Variants in FAT3 observed in about 807,000 individuals in gnomAD.
FAT3 encodes the protein protocadherin Fat 3.
A neutral mutation model predicts 310.2 loss-of-function variants in FAT3; 95 were observed. The observed-to-expected ratio is 0.31, with a 90% CI of 0.26 to 0.36. The LOEUF is 0.36. FAT3 is among the 10% of genes least tolerant of loss of function. The pLI is 1.00. For missense variants in FAT3, 5,408 were observed against 5,715.6 expected (o/e 0.95, Z 1.74); for synonymous variants, 2,314 against 2,192.9 (o/e 1.06, Z -1.54).
chr11:92,281,126 A>G (rs1324581811), intron 1 of FAT3, among the ~76,000 whole-genome samples: 2 of 152,148 alleles, frequency 1.3e-5, no homozygotes, highest in African/African-American at 4.8e-5. Context: ...TGTATTGTCA[A>G]AAATTTTTTG....
At chr11:92,385,485 A>G (rs1049297749) in intron 2 of FAT3, among the ~76,000 whole-genome samples, 10 of 152,108 alleles carry the variant, frequency 6.6e-5, no homozygotes, top group African/African-American at 2.4e-4. Context: ...CTCGTGCCTC[A>G]GCCTCCCAAG....
At chr11:92,379,707 T>C (rs1417223412) in intron 2 of FAT3, among the ~76,000 whole-genome samples, 1 of 152,188 alleles carries the variant, frequency 6.6e-6, no homozygotes, top group Non-Finnish European at 1.5e-5. Flanking sequence ...AGAGATGTGA[T>C]CAAAAACATC....
At chr11:92,247,860 T>G (rs1864985206) in intron 1 of FAT3, among the ~76,000 whole-genome samples, 1 of 151,890 alleles carries the variant, frequency 6.6e-6, no homozygotes, top group African/African-American at 2.4e-5. Context: ...TTGCAGCTAC[T>G]CAGTAGGCTG....
chr11:92,553,170 C>G (rs1954881010), intron 3 of FAT3, among the ~76,000 whole-genome samples: 1 of 152,074 alleles, frequency 6.6e-6, no homozygotes, highest in South Asian at 2.1e-4. Flanking sequence ...TACAATAATG[C>G]TGCGAAAAAT....
intron 3 of FAT3, among the ~76,000 whole-genome samples, chr11:92,549,642 A>G (rs1475090393): frequency 1.3e-5 from 2 of 152,188 alleles, no homozygotes; most frequent in Non-Finnish European, 2.9e-5. Context: ...AGCATTCATT[A>G]TTTAATGCTC....
At chr11:92,516,243 A>G (rs1953478733) in intron 2 of FAT3, among the ~76,000 whole-genome samples, 1 of 152,160 alleles carries the variant, frequency 6.6e-6, no homozygotes, top group Non-Finnish European at 1.5e-5. Context: ...TCCTCAATAA[A>G]ATACTGGCAA....
chr11:92,631,761 T>C (rs1397525372), intron 3 of FAT3, among the ~76,000 whole-genome samples: 4 of 152,132 alleles, frequency 2.6e-5, no homozygotes, highest in African/African-American at 9.6e-5. Flanking sequence ...AATTAAAACC[T>C]ATAATTCTTT....
chr11:92,428,719 C>T (rs891968229), intron 2 of FAT3, among the ~76,000 whole-genome samples: 1 of 152,154 alleles, frequency 6.6e-6, no homozygotes, highest in African/African-American at 2.4e-5. Context: ...ATCCTGAGTT[C>T]TAATTTGATT....
chr11:92,781,557 T>C (rs1946753952), intron 7 of FAT3, among the ~76,000 whole-genome samples: 1 of 152,120 alleles, frequency 6.6e-6, no homozygotes, highest in East Asian at 1.9e-4. Flanking sequence ...TTCCTACACA[T>C]TTATATATAT....
intron 2 of FAT3, among the ~76,000 whole-genome samples, chr11:92,516,393 G>A (rs1360005648): frequency 2.6e-5 from 4 of 151,946 alleles, no homozygotes; most frequent in African/African-American, 4.8e-5. Flanking sequence ...AAAACCACAT[G>A]GTTATCTCAA....
intron 2 of FAT3, among the ~76,000 whole-genome samples, chr11:92,493,261 G>A (rs1286200180): frequency 6.6e-6 from 1 of 152,008 alleles, no homozygotes; most frequent in Non-Finnish European, 1.5e-5. Flanking sequence ...TGGTTTGTTT[G>A]CATTAGACCC....
chr11:92,698,529 C>CAAA, intron 4 of FAT3, among the ~76,000 whole-genome samples: 1 of 152,184 alleles, frequency 6.6e-6, no homozygotes, highest in Admixed American at 6.5e-5. Context: ...CTCTTAGGAT[C>CAAA]AAACCTTCTG....
Position 92,473,889 on chromosome 11 carries a change from T to G in FAT3, c.3293-50745T>G, listed in dbSNP as rs568024046. ...TTCATGGGCCTTATGTGTGGAAAGA[T>G]GACTAAAGTGACCTCCTCCGGCATT... On this transcript the variant is annotated intron_variant, in intron 2 of 27. Coordinates refer to ENST00000525166, the MANE Select transcript of FAT3 (RefSeq NM_001367949.2). Among the ~76,000 whole-genome samples the G allele has an allele frequency of 1.6e-3, 251 of 152,334 alleles. 1 individual carries two copies. Among genetic ancestry groups the G allele is most frequent in the Non-Finnish European group, 3.2e-3 (215 of 68,028 alleles).
intron 22 of FAT3, among the ~76,000 whole-genome samples, chr11:92,873,030 A>G (rs1001711837): frequency 1.6e-4 from 24 of 152,140 alleles, no homozygotes; most frequent in Admixed American, 1.5e-3. Context: ...CATGATTTCC[A>G]GTTGTTTGGT....
At chr11:92,752,121 G>A (rs1212066551) in intron 4 of FAT3, among the ~76,000 whole-genome samples, 1 of 152,222 alleles carries the variant, frequency 6.6e-6, no homozygotes, top group Admixed American at 6.5e-5. Flanking sequence ...GGGCCATACA[G>A]TCTCAGCCTC....
At chr11:92,501,542 G>A (rs926191059) in intron 2 of FAT3, among the ~76,000 whole-genome samples, 4 of 152,034 alleles carry the variant, frequency 2.6e-5, no homozygotes, top group Non-Finnish European at 5.9e-5. Context: ...AAGCCGTCTA[G>A]TAACTACTTT....
intron 4 of FAT3, among the ~76,000 whole-genome samples, chr11:92,717,984 T>C (rs1458342809): frequency 6.6e-6 from 1 of 152,206 alleles, no homozygotes; most frequent in African/African-American, 2.4e-5. Context: ...TGCAACTCTT[T>C]CTTTCAAGAG....
At chr11:92,804,882 T>C (rs549349625) in intron 10 of FAT3, among the ~76,000 whole-genome samples, 1 of 152,336 alleles carries the variant, frequency 6.6e-6, no homozygotes, top group African/African-American at 2.4e-5. Context: ...TGATTGTTCT[T>C]AAGGGGAACT....
intron 24 of FAT3, 184 bp from the exon 25 acceptor site, chr11:92,886,816 T>C (rs1391590292): frequency 3.9e-5 from 23 of 584,630 alleles, no homozygotes; most frequent in Non-Finnish European, 9.2e-6. Context: ...ATAATGTAAA[T>C]CACTTGATTG....
Sources: gnomAD v4.1 joint callset for allele counts (sites outside exome capture counted in the v4.1 genomes callset) on GRCh38, gnomAD v4.1.1 for gene constraint, MANE v1.5 for transcripts, NCBI Gene and HGNC (gene_info 2026-07-23, HGNC 2026-07-21) for gene names.